The following RAB35 variants were observed in gnomAD, a reference collection of about 807,000 sequenced individuals.
RAB35 encodes RAB35, member RAS oncogene family.
In RAB35, 4 loss-of-function variants were observed where a neutral mutation model predicts 28.9. The ratio of observed to expected loss-of-function variants is 0.14; its 90% confidence interval spans 0.07 to 0.32. The LOEUF is 0.32. Ranked by LOEUF, RAB35 falls within the 10% of genes least tolerant of loss-of-function variation. The pLI, the probability that RAB35 is intolerant of heterozygous loss-of-function variation, is 1.00. For missense variants in RAB35, 128 were observed against 274.0 expected (o/e 0.47, Z 3.76); for synonymous variants, 99 against 105.1 (o/e 0.94, Z 0.35).
intron 2 of RAB35, among the ~76,000 whole-genome samples, chr12:120,106,093 G>C (rs1036022097): frequency 9.9e-5 from 15 of 152,212 alleles, no homozygotes; most frequent in African/African-American, 2.9e-4. Context: ...TTGCCGTAAT[G>C]CTTCCAGGTA....
intron 3 of RAB35, among the ~76,000 whole-genome samples, chr12:120,100,470 TGC>T (rs1350890512): frequency 2.0e-5 from 3 of 152,224 alleles, no homozygotes; most frequent in Admixed American, 1.3e-4. Context: ...ACAGTCAGTA[TGC>T]GTTCTTCAGC....
Position 120,103,692 on chromosome 12 carries a change from G to A in RAB35, c.227+134C>T, listed in dbSNP as rs1009412852. The A allele has an allele frequency of 5.2e-6, 7 of 1,342,950 alleles. No homozygotes were observed. Among genetic ancestry groups the A allele is most frequent in the South Asian group, 1.3e-5 (1 of 75,020 alleles). 83.2% of individuals were successfully genotyped at this position (1,342,950 alleles called of 1,614,324 possible). A position where few individuals can be genotyped will look rare whatever the true frequency, so the allele number is the denominator to read the frequency against. ...GTGCAGCCAAACGCCACCTACTACAGCCAACAACAGGCTCACTTCCCGACA... is the reference window on the plus strand; with the variant it reads ...GTGCAGCCAAACGCCACCTACTACAACCAACAACAGGCTCACTTCCCGACA... On this transcript the variant is annotated intron_variant, in intron 3 of 5. Coordinates refer to ENST00000229340, the MANE Select transcript of RAB35 (RefSeq NM_006861.7). The surrounding 1 kb of genome is among the most constrained non-coding windows in gnomAD (Gnocchi z 6.1).
intron 3 of RAB35, 154 bp from the exon 4 acceptor site, chr12:120,099,308 C>T: frequency 1.1e-6 from 1 of 946,122 alleles, no homozygotes; most frequent in East Asian, 2.6e-5. Flanking sequence ...GCCCCCGAGC[C>T]ACAACAGGCC....
At chr12:120,106,833 C>T (rs1012914293) in intron 2 of RAB35, among the ~76,000 whole-genome samples, 6 of 152,020 alleles carry the variant, frequency 3.9e-5, no homozygotes, top group South Asian at 2.1e-4. Flanking sequence ...ATGATCCACG[C>T]GCCTCGGCCT....
intron 1 of RAB35, among the ~76,000 whole-genome samples, chr12:120,109,404 G>C (rs572495889): frequency 6.6e-6 from 1 of 151,960 alleles, no homozygotes; most frequent in Non-Finnish European, 1.5e-5. Context: ...AGTGAGCTGA[G>C]ATCATGCCAC....
chr12:120,096,997 C>T lies in RAB35; in HGVS notation c.*248G>A, dbSNP rs1031015618. 2 of 1,497,726 alleles carry T rather than the reference C, an allele frequency of 1.3e-6. No individual in the cohort carries two copies. The highest frequency in any genetic ancestry group is 2.0e-5 in the Admixed American group (1 of 49,678). 92.8% of individuals were successfully genotyped at this position (1,497,726 alleles called of 1,614,324 possible). On this transcript the variant is annotated 3_prime_UTR_variant, in exon 6 of 6. Transcript: ENST00000229340. ...AATCAGTCCGCTCGGCGGGCAGCGT[C>T]CTCGCCAGGTCCAGGCGCCTTGGCC...
At chr12:120,108,305 G>C in intron 2 of RAB35, 112 bp downstream of exon 2, 1 of 1,134,892 alleles carries the variant, frequency 8.8e-7, no homozygotes, top group Non-Finnish European at 1.3e-6. Context: ...CTGGCAACCA[G>C]AATGAGACAG....
At chr12:120,109,145 C>CT (rs1425555759) in intron 1 of RAB35, among the ~76,000 whole-genome samples, 1 of 152,202 alleles carries the variant, frequency 6.6e-6, no homozygotes, top group Non-Finnish European at 1.5e-5. Context: ...GCCTCCCCCA[C>CT]TTTTTTTGTA....
chr12:120,099,171 T>C lies in RAB35; in HGVS notation c.228-17A>G. On this transcript the variant is annotated splice_polypyrimidine_tract_variant and intron_variant, in intron 3 of 5. Coordinates refer to ENST00000229340, the MANE Select transcript of RAB35 (RefSeq NM_006861.7). The stretch of plus-strand genomic sequence containing the variant: ...CGATAATACCTGCAGGGCCAGAGTG[T>C]GCGGCAGCATGTCAACCCCGACAGG... 3.1e-6 allele frequency: 5 copies of C among 1,613,968 alleles called. 1 individual carries two copies. The South Asian group carries it at 4.4e-5, about 14-fold the overall frequency.
chr12:120,108,600 G>A, intron 1 of RAB35, 133 bp from the exon 2 acceptor site: 1 of 793,002 alleles, frequency 1.3e-6, no homozygotes, highest in Non-Finnish European at 2.2e-6. Flanking sequence ...ACTTCTCAAT[G>A]CTCTTTCCAC....
In RAB35 at chr12:120,097,035, G is replaced by A. The variant is rs1233208451; in HGVS notation, c.*210C>T. On this transcript the variant is annotated 3_prime_UTR_variant, in exon 6 of 6. Transcript: ENST00000229340. ...AGGCGCCTTGGCCGGGGAGGAGGGGGCACCAGTAGGGAAGGGCGGGCTGGT... is the reference window on the plus strand; with the variant it reads ...AGGCGCCTTGGCCGGGGAGGAGGGGACACCAGTAGGGAAGGGCGGGCTGGT... 6.6e-7 allele frequency: 1 copy of A among 1,520,792 alleles called. No homozygotes were observed. The highest frequency in any genetic ancestry group is 8.8e-7 in the Non-Finnish European group (1 of 1,137,352). 94.2% of individuals were successfully genotyped at this position (1,520,792 alleles called of 1,614,324 possible). A position where few individuals can be genotyped will look rare whatever the true frequency, so the allele number is the denominator to read the frequency against.
At chr12:120,116,542 C>T in intron 1 of RAB35, 57 bp downstream of exon 1, 1 of 996,094 alleles carries the variant, frequency 1.0e-6, no homozygotes. Context: ...CGCCCCGAGG[C>T]CCCCGCGGGC....
At chr12:120,104,834 A>G (rs1396006104) in intron 2 of RAB35, among the ~76,000 whole-genome samples, 9 of 152,114 alleles carry the variant, frequency 5.9e-5, no homozygotes, top group Non-Finnish European at 1.3e-4. Context: ...GGGTTTCACC[A>G]TGTTGCCCAG....
intron 3 of RAB35, among the ~76,000 whole-genome samples, chr12:120,101,066 G>A (rs1875638964): frequency 6.6e-6 from 1 of 152,224 alleles, no homozygotes; most frequent in Admixed American, 6.5e-5. Flanking sequence ...CAGGAAAGGG[G>A]CTTTATCTGA....
intron 2 of RAB35, among the ~76,000 whole-genome samples, chr12:120,105,314 A>G (rs546974996): frequency 3.6e-4 from 54 of 151,534 alleles, no homozygotes; most frequent in Middle Eastern, 3.4e-3. Context: ...CAGCCAGGGG[A>G]ACGCCAAGGA....
intron 1 of RAB35, among the ~76,000 whole-genome samples, chr12:120,109,648 T>C (rs1358373584): frequency 6.7e-6 from 1 of 150,160 alleles, no homozygotes; most frequent in Non-Finnish European, 1.5e-5. Flanking sequence ...TCTGGCTACG[T>C]TGCCCAGGCT....
chr12:120,097,364 A>C lies in RAB35; in HGVS notation c.487T>G (p.Cys163Gly), dbSNP rs1875463755. ...ENVNVEEMFNCITELVLRAKK... is the reference protein window; with the variant it reads ...ENVNVEEMFNGITELVLRAKK... ...GCTCGGAGGACCAGCTCCGTGATGC[A>C]GTTGAACATCTGTGGAGAGGAAAGA... The change falls in exon 6 of 6, where the codon TGC becomes GGC. Residue 163 changes from cysteine (C) to glycine (G), a missense_variant. By Grantham distance (159) the Cys-to-Gly change is radical. Coordinates refer to ENST00000229340, the MANE Select transcript of RAB35 (RefSeq NM_006861.7). 6.2e-7 allele frequency: 1 copy of C among 1,611,904 alleles called. No individual in the cohort carries two copies. Among genetic ancestry groups the C allele is most frequent in the Non-Finnish European group, 8.5e-7 (1 of 1,179,474 alleles).
In RAB35 at chr12:120,096,631, G is replaced by A. The variant is rs761232039; in HGVS notation, c.*614C>T. On this transcript the variant is annotated 3_prime_UTR_variant, in exon 6 of 6. Transcript: ENST00000229340. ...AACTGCAGGGCCTGCCTTGAGACCA[G>A]GTTCCCCAGCTCCCAGAATGGCTGT... is the stretch of plus-strand genomic sequence containing the variant. The A allele has an allele frequency of 7.8e-7, 1 of 1,289,892 alleles. No homozygotes were observed. Among genetic ancestry groups the A allele is most frequent in the Non-Finnish European group, 1.0e-6 (1 of 988,890 alleles). 79.9% of individuals were successfully genotyped at this position (1,289,892 alleles called of 1,614,324 possible).
At chr12:120,115,906 G>A (rs1039569743) in intron 1 of RAB35, among the ~76,000 whole-genome samples, 1 of 152,160 alleles carries the variant, frequency 6.6e-6, no homozygotes, top group Non-Finnish European at 1.5e-5. Flanking sequence ...ACCCCATAAG[G>A]CAGATCCAAC....
Sources: allele counts gnomAD v4.1 joint callset (sites outside exome capture counted in the v4.1 genomes callset), GRCh38; gene constraint gnomAD v4.1.1; non-coding constraint Gnocchi (gnomAD v3.1); transcripts MANE v1.5; gene names NCBI Gene and HGNC (gene_info 2026-07-23, HGNC 2026-07-21).